RSU1: variants seen among roughly 807,000 people sequenced by gnomAD.
RSU1 encodes rsu-1.
Under a neutral mutation model 31.1 loss-of-function variants are expected in RSU1, and 26 were observed. The observed-to-expected ratio is 0.84, with a 90% confidence interval of 0.61 to 1.16. RSU1 has a LOEUF of 1.16. Among genes scored for constraint, RSU1 ranks in the 50% most tolerant of loss-of-function variants. The probability of loss-of-function intolerance (pLI) is 0.00; values close to 1 mark genes in which losing one functional copy is unlikely to be tolerated. For missense variants in RSU1, 320 were observed against 339.1 expected (o/e 0.94, Z 0.44); for synonymous variants, 164 against 136.3 (o/e 1.20, Z -1.41).
rs1196606567 is a variant in RSU1, at chr10:16,785,892, C to T, written c.110-3808G>A. ...GGGAAAAGGAGGACGGGTACTTTGA[C>T]ACAATGTCAATATCCTGTTCCTCAC... On this transcript the variant is annotated intron_variant, in intron 2 of 8. Transcript: ENST00000345264. 2.6e-5 allele frequency among the ~76,000 whole-genome samples: 4 copies of T among 152,162 alleles called. No homozygotes were observed. In the East Asian group the frequency reaches 5.8e-4, roughly 22 times the overall value.
chr10:16,649,717 C>G (rs1310308211), intron 8 of RSU1, among the ~76,000 whole-genome samples: 1 of 152,174 alleles, frequency 6.6e-6, no homozygotes, highest in Non-Finnish European at 1.5e-5. Context: ...ACAAAAAATT[C>G]AACCATCTTC....
chr10:16,695,717 AT>A (rs1835661095), intron 7 of RSU1, among the ~76,000 whole-genome samples: 1 of 152,220 alleles, frequency 6.6e-6, no homozygotes, highest in Admixed American at 6.5e-5. Flanking sequence ...TTTTAAAATC[AT>A]TCCTCATTTC....
At chr10:16,780,206 G>A (rs1402659901) in intron 3 of RSU1, among the ~76,000 whole-genome samples, 1 of 152,184 alleles carries the variant, frequency 6.6e-6, no homozygotes, top group Admixed American at 6.5e-5. Context: ...ACAGTGATCT[G>A]AAAGATGTTT....
intron 8 of RSU1, among the ~76,000 whole-genome samples, chr10:16,615,374 A>T (rs1833958248): frequency 6.6e-6 from 1 of 152,154 alleles, no homozygotes; most frequent in Admixed American, 6.5e-5. Flanking sequence ...GAGCACAGAG[A>T]TACATAAAAC....
intron 2 of RSU1, among the ~76,000 whole-genome samples, chr10:16,814,628 T>G (rs576092885): frequency 1.2e-3 from 177 of 152,232 alleles, no homozygotes; most frequent in African/African-American, 4.1e-3. Context: ...CGAGAAGTCC[T>G]GAGGTCAGGG....
At chr10:16,723,422 C>T (rs535446275) in intron 7 of RSU1, among the ~76,000 whole-genome samples, 2 of 152,204 alleles carry the variant, frequency 1.3e-5, no homozygotes, top group Non-Finnish European at 2.9e-5. Flanking sequence ...CCAAATTATA[C>T]ACATTATACA....
At chr10:16,809,713 G>T (rs1838362942) in intron 2 of RSU1, among the ~76,000 whole-genome samples, 1 of 152,098 alleles carries the variant, frequency 6.6e-6, no homozygotes. Flanking sequence ...TATCTAGATT[G>T]TGTTTTCTTT....
intron 7 of RSU1, among the ~76,000 whole-genome samples, chr10:16,716,984 A>G (rs1836154409): frequency 6.6e-6 from 1 of 152,234 alleles, no homozygotes; most frequent in African/African-American, 2.4e-5. Context: ...AGCCAATAGG[A>G]CAAATACTGA....
chr10:16,665,649 C>G (rs1331233308), intron 8 of RSU1, among the ~76,000 whole-genome samples: 1 of 152,180 alleles, frequency 6.6e-6, no homozygotes, highest in Non-Finnish European at 1.5e-5. Flanking sequence ...ACAAAGACTT[C>G]TGTCTAAAAT....
chr10:16,610,417 C>A (rs1471851602), intron 8 of RSU1, among the ~76,000 whole-genome samples: 1 of 152,160 alleles, frequency 6.6e-6, no homozygotes, highest in Admixed American at 6.5e-5. Flanking sequence ...GGTGGCCAAC[C>A]CTTGGGCCGT....
chr10:16,816,389 T>G (rs796548755), intron 2 of RSU1, among the ~76,000 whole-genome samples: 2 of 151,968 alleles, frequency 1.3e-5, no homozygotes, highest in African/African-American at 4.8e-5. Context: ...TAGACAGGGG[T>G]TACAGGAAAA....
In RSU1 at chr10:16,645,917, TATGTGTATATAC is replaced by T. The variant is rs377746192; in HGVS notation, c.731+49094_731+49105del. Among the ~76,000 whole-genome samples the T allele has an allele frequency of 6.8e-3, 229 of 33,592 alleles. 20 individuals are homozygous for T. The highest frequency in any genetic ancestry group is 0.015 in the Middle Eastern group (1 of 68). 22.0% of individuals were successfully genotyped at this position (33,592 alleles called of 152,430 possible). The stretch of plus-strand genomic sequence containing the variant: ...ATGTATATACACATATATGTATATA[TATGTGTATATAC>T]ACATATGTGTATATATATGTGTATA... On this transcript the variant is annotated intron_variant, in intron 8 of 8. Transcript: ENST00000345264.
chr10:16,605,843 C>T (rs1187175792), intron 8 of RSU1, among the ~76,000 whole-genome samples: 3 of 152,172 alleles, frequency 2.0e-5, no homozygotes, highest in Non-Finnish European at 4.4e-5. Flanking sequence ...ACTCTGTTGC[C>T]CAGGCTGGAG....
intron 8 of RSU1, among the ~76,000 whole-genome samples, chr10:16,617,441 C>T (rs1833996228): frequency 6.6e-6 from 1 of 152,162 alleles, no homozygotes; most frequent in Non-Finnish European, 1.5e-5. Flanking sequence ...ATGCTATTCC[C>T]ATCAAGCTAC....
At chr10:16,796,724 G>T (rs143423478) in intron 2 of RSU1, among the ~76,000 whole-genome samples, 3 of 144,856 alleles carry the variant, frequency 2.1e-5, no homozygotes, top group African/African-American at 7.8e-5. Flanking sequence ...AAAAGTGTAG[G>T]TGCAGGAAAC....
chr10:16,628,603 C>A (rs976109784), intron 8 of RSU1, among the ~76,000 whole-genome samples: 2 of 152,180 alleles, frequency 1.3e-5, no homozygotes, highest in African/African-American at 4.8e-5. Flanking sequence ...TTTGTTAATG[C>A]ATGCTGTATA....
chr10:16,737,320 A>T (rs1836647628), intron 7 of RSU1, among the ~76,000 whole-genome samples: 1 of 152,146 alleles, frequency 6.6e-6, no homozygotes, highest in Non-Finnish European at 1.5e-5. Context: ...AACATGTTAC[A>T]TGAGAAACTG....
chr10:16,777,422 TAGG>T (rs1193500901), intron 3 of RSU1, among the ~76,000 whole-genome samples: 1 of 152,200 alleles, frequency 6.6e-6, no homozygotes, highest in Non-Finnish European at 1.5e-5. Flanking sequence ...ATTTTCATGG[TAGG>T]AGAACAAAAA....
At position 16,605,034 on chromosome 10, in the gene RSU1, G is replaced by A. The variant is rs1333623441; in HGVS notation, c.732-11538C>T. ...ACAAAGCAGGAGTGAGGGACGGAGA[G>A]AGACTGGGCCTAAGGACATTGTGTG... On this transcript the variant is annotated intron_variant, in intron 8 of 8. Coordinates refer to ENST00000345264, the MANE Select transcript of RSU1 (RefSeq NM_012425.4). Among the ~76,000 whole-genome samples, 5 of 152,238 alleles carry A rather than the reference G, an allele frequency of 3.3e-5. No individual in the cohort carries two copies. In the South Asian group the frequency reaches 1.0e-3, roughly 32 times the overall value.
Sources: gnomAD v4.1 joint callset for allele counts (sites outside exome capture counted in the v4.1 genomes callset) on GRCh38, gnomAD v4.1.1 for gene constraint, MANE v1.5 for transcripts, NCBI Gene and HGNC (gene_info 2026-07-23, HGNC 2026-07-21) for gene names.